TPCN1: variants seen among roughly 807,000 people sequenced by gnomAD.
The protein encoded by TPCN1 is two pore segment channel 1.
Under a neutral mutation model 108.8 loss-of-function variants are expected in TPCN1, and 52 were observed. That is an observed-to-expected ratio of 0.48 (90% CI 0.38 to 0.60). TPCN1 has a LOEUF of 0.60. Among genes scored for constraint, TPCN1 ranks in the 20% least tolerant of loss-of-function variants. The probability of loss-of-function intolerance (pLI) is 0.00; values close to 1 mark genes in which losing one functional copy is unlikely to be tolerated. For missense variants in TPCN1, 806 were observed against 1,072.8 expected, an observed-to-expected ratio of 0.75 and a Z score of 3.47; for synonymous variants, 446 against 433.7, an observed-to-expected ratio of 1.03 and a Z score of -0.35.
intron 2 of TPCN1, among the ~76,000 whole-genome samples, chr12:113,246,552 G>A (rs1432441938): frequency 6.6e-6 from 1 of 152,192 alleles, no homozygotes; most frequent in African/African-American, 2.4e-5. Context: ...TGCCCACGCT[G>A]CTGCTCATCT....
intron 18 of TPCN1, among the ~76,000 whole-genome samples, chr12:113,286,363 C>T (rs528956076): frequency 7.7e-6 from 1 of 130,214 alleles, no homozygotes; most frequent in East Asian, 2.9e-4. Context: ...GAGGTCACTT[C>T]CCTGCCCTGT....
chr12:113,286,786 C>T (rs1337623111), intron 18 of TPCN1, among the ~76,000 whole-genome samples: 2 of 152,148 alleles, frequency 1.3e-5, no homozygotes, highest in Admixed American at 6.5e-5. Flanking sequence ...AGGCCTGACC[C>T]GTGAGACGCA....
intron 2 of TPCN1, among the ~76,000 whole-genome samples, chr12:113,233,895 C>T (rs1248556275): frequency 6.6e-6 from 1 of 152,136 alleles, no homozygotes; most frequent in Non-Finnish European, 1.5e-5. Context: ...TCTAGTGACT[C>T]CAGAACCAGT....
rs777670688 is a variant in TPCN1 at position 113,273,779 on chromosome 12, C to T, written c.942+111C>T. 6 of 914,814 alleles carry T rather than the reference C, an allele frequency of 6.6e-6. No individual in the cohort carries two copies. The highest frequency in any genetic ancestry group is 3.4e-5 in the Admixed American group (2 of 58,142). 56.7% of individuals were successfully genotyped at this position (914,814 alleles called of 1,614,324 possible). ...CTGTCTTCTGCCTCTCAGGGCAGAA[C>T]GTTGGGGCAGGAAGTCCCAGATTCA... is the stretch of plus-strand genomic sequence containing the variant. On this transcript the variant is annotated intron_variant, in intron 10 of 27. Transcript: ENST00000335509. This position sits in a 1 kb window ranked among gnomAD's most constrained non-coding sequence, Gnocchi z 4.0.
At chr12:113,240,603 G>T (rs766557603) in intron 2 of TPCN1, among the ~76,000 whole-genome samples, 3 of 152,156 alleles carry the variant, frequency 2.0e-5, no homozygotes, top group Non-Finnish European at 2.9e-5. Context: ...CATTCTTCCG[G>T]TTCCTCTTAA....
At chr12:113,261,651 A>G (rs1398122172) in intron 3 of TPCN1, among the ~76,000 whole-genome samples, 2 of 151,784 alleles carry the variant, frequency 1.3e-5, no homozygotes, top group East Asian at 3.9e-4. Context: ...CTGATCTCAA[A>G]CTCTTGACCT....
At chr12:113,256,273 A>T (rs980080079) in intron 2 of TPCN1, among the ~76,000 whole-genome samples, 25 of 151,772 alleles carry the variant, frequency 1.6e-4, no homozygotes, top group Admixed American at 9.2e-4. Flanking sequence ...GGAAGTTCAA[A>T]TTTTTTTACT....
At chr12:113,236,615 A>T (rs894561355) in intron 2 of TPCN1, among the ~76,000 whole-genome samples, 10 of 151,584 alleles carry the variant, frequency 6.6e-5, no homozygotes, top group African/African-American at 2.4e-4. Context: ...ACCCTGTCTC[A>T]AAAAGAAAAA....
chr12:113,238,315 AT>A (rs1161325084), intron 2 of TPCN1, among the ~76,000 whole-genome samples: 1 of 151,930 alleles, frequency 6.6e-6, no homozygotes, highest in Admixed American at 6.6e-5. Context: ...AGTGCCGCTT[AT>A]TTTTTTTCCT....
chr12:113,275,298 C>T (rs545293232), intron 10 of TPCN1, among the ~76,000 whole-genome samples: 15 of 152,274 alleles, frequency 9.9e-5, no homozygotes, highest in Admixed American at 3.3e-4. Flanking sequence ...AGTGCAGTGG[C>T]GCAATCTCAG....
intron 2 of TPCN1, among the ~76,000 whole-genome samples, chr12:113,243,482 C>T (rs1954228613): frequency 6.6e-6 from 1 of 151,238 alleles, no homozygotes; most frequent in African/African-American, 2.4e-5. Context: ...CATGGGAAAG[C>T]ATGGCTCATC....
At chr12:113,253,149 A>C (rs1954711564) in intron 2 of TPCN1, among the ~76,000 whole-genome samples, 1 of 152,106 alleles carries the variant, frequency 6.6e-6, no homozygotes, top group South Asian at 2.1e-4. Context: ...TCTGCACCTT[A>C]GTTTCCTCAA....
In TPCN1 at chr12:113,288,749, G is replaced by A. The variant is rs775942789; in HGVS notation, c.1707-9G>A. On this transcript the variant is annotated splice_polypyrimidine_tract_variant and intron_variant, in intron 20 of 27. Coordinates refer to ENST00000335509, the MANE Select transcript of TPCN1 (RefSeq NM_017901.6). The surrounding 1 kb of genome is among the most constrained non-coding windows in gnomAD (Gnocchi z 4.8). The stretch of plus-strand genomic sequence containing the variant: ...GGCCCCGCGTCACCCTGCCCCTGTC[G>A]CCCCACAGCCTGGGCCTCACCCTGC... 1.1e-5 allele frequency: 18 copies of A among 1,611,582 alleles called. No homozygotes were observed. The highest frequency in any genetic ancestry group is 6.7e-5 in the East Asian group (3 of 44,868).
chr12:113,277,679 G>A (rs1462972223), intron 12 of TPCN1, among the ~76,000 whole-genome samples: 1 of 152,134 alleles, frequency 6.6e-6, no homozygotes, highest in African/African-American at 2.4e-5. Context: ...GACAGACAGG[G>A]GTGAATATAC....
At chr12:113,261,575 C>T (rs928148924) in intron 3 of TPCN1, among the ~76,000 whole-genome samples, 3 of 151,816 alleles carry the variant, frequency 2.0e-5, no homozygotes, top group Non-Finnish European at 2.9e-5. Context: ...ACCACAGGCA[C>T]GTGCCACCAT....
At chr12:113,235,856 C>T (rs533493260) in intron 2 of TPCN1, among the ~76,000 whole-genome samples, 150 of 152,062 alleles carry the variant, frequency 9.9e-4, no homozygotes, top group African/African-American at 3.4e-3. Flanking sequence ...CTTTAGAGAT[C>T]GGATTAAGCT....
At chr12:113,241,410 C>T (rs750062261) in intron 2 of TPCN1, among the ~76,000 whole-genome samples, 7 of 152,326 alleles carry the variant, frequency 4.6e-5, no homozygotes, top group East Asian at 1.9e-4. Flanking sequence ...TCATGGAAGC[C>T]GGGTCCAGCC....
intron 12 of TPCN1, 140 bp from the exon 13 acceptor site, chr12:113,278,049 T>A: frequency 6.1e-6 from 4 of 655,366 alleles, no homozygotes; most frequent in Non-Finnish European, 8.4e-6. Context: ...CCCCCAGCAC[T>A]GCTGTGCTGG....
chr12:113,290,901 A>T, intron 22 of TPCN1, 51 bp from the exon 23 acceptor site: 1 of 1,587,058 alleles, frequency 6.3e-7, no homozygotes, highest in Non-Finnish European at 8.6e-7. Context: ...CTTGAAATTG[A>T]CTTTGAAGTG....
Sources: gnomAD v4.1 joint callset for allele counts (sites outside exome capture counted in the v4.1 genomes callset) on GRCh38, gnomAD v4.1.1 for gene constraint, Gnocchi (gnomAD v3.1) non-coding constraint, MANE v1.5 for transcripts, NCBI Gene and HGNC (gene_info 2026-07-23, HGNC 2026-07-21) for gene names.